Variants in ZNF146 observed in about 807,000 individuals in gnomAD.
The protein encoded by ZNF146 is zinc finger protein 146.
Under a neutral mutation model 22.2 loss-of-function variants are expected in ZNF146, and 9 were observed. The observed-to-expected ratio is 0.41, with a 90% CI of 0.24 to 0.71. ZNF146 has a LOEUF of 0.71. Among genes scored for constraint, ZNF146 ranks in the 30% least tolerant of loss-of-function variants. The pLI is 0.34. For synonymous variants in ZNF146, 108 were observed against 119.2 expected (o/e 0.91, Z 0.61); for missense variants, 194 against 344.8 (o/e 0.56, Z 3.46).
chr19:36,222,333 G>C (rs1976883710), intron 2 of ZNF146, among the ~76,000 whole-genome samples: 1 of 152,138 alleles, frequency 6.6e-6, no homozygotes, highest in South Asian at 2.1e-4. Context: ...TAATCCCGTT[G>C]TTGAGCATTT....
At position 36,231,582 on chromosome 19, in the gene ZNF146, A is replaced by G. The variant is rs1213848580; in HGVS notation, c.-783+2763A>G. On this transcript the variant is annotated intron_variant, in intron 3 of 3. Transcript: ENST00000443387. ...CTCCAGAGTTTCTGTCTTGCCTTAC[A>G]CAACTTTACCTGTTTATGGGACAGA... is the stretch of plus-strand genomic sequence containing the variant. Among the ~76,000 whole-genome samples the G allele has an allele frequency of 3.3e-5, 5 of 152,176 alleles. No homozygotes were observed. In the East Asian group the frequency reaches 7.7e-4, roughly 23 times the overall value.
chr19:36,233,764 T>C (rs4361039), intron 3 of ZNF146, among the ~76,000 whole-genome samples: 39,426 of 152,148 alleles, frequency 0.26, 5,517 homozygotes, highest in African/African-American at 0.37. Context: ...AAGGCGGTTT[T>C]CCCCTATCTC....
At chr19:36,223,785 C>T (rs1183888676) in intron 2 of ZNF146, among the ~76,000 whole-genome samples, 2 of 151,844 alleles carry the variant, frequency 1.3e-5, no homozygotes, top group African/African-American at 2.4e-5. Flanking sequence ...CTTGATCTGT[C>T]ACCCAGGCTG....
intron 3 of ZNF146, among the ~76,000 whole-genome samples, chr19:36,229,911 G>A (rs567476179): frequency 6.6e-6 from 1 of 152,208 alleles, no homozygotes; most frequent in African/African-American, 2.4e-5. Flanking sequence ...ATAGAGATGG[G>A]GTTTTGCCAT....
Position 36,237,085 on chromosome 19 carries a change from T to C in ZNF146, c.645T>C (p.Asn215=), listed in dbSNP as rs755275819. 3.1e-6 allele frequency: 5 copies of C among 1,614,024 alleles called. No individual in the cohort carries two copies. Among genetic ancestry groups the C allele is most frequent in the African/African-American group, 1.3e-5 (1 of 74,916 alleles). ...CAGGTGATAAACCTTACGAATGCAA[T>C]GTTTGTGGAAAAGCCTTCTCTCAGA... is the stretch of plus-strand genomic sequence containing the variant. ...IHSGDKPYEC[N]VCGKAFSQSS... The change falls in exon 4 of 4, where the codon AAT becomes AAC. Residue 215 remains asparagine, a synonymous_variant. Coordinates refer to ENST00000443387, the MANE Select transcript of ZNF146 (RefSeq NM_007145.3).
At chr19:36,223,681 G>T (rs1173162385) in intron 2 of ZNF146, among the ~76,000 whole-genome samples, 1 of 9,312 alleles carries the variant, frequency 1.1e-4, no homozygotes, top group Non-Finnish European at 2.0e-4. Flanking sequence ...AGTCTTTTAT[G>T]GTTATCAGAC....
At chr19:36,222,259 A>T (rs1208023350) in intron 2 of ZNF146, among the ~76,000 whole-genome samples, 1 of 151,622 alleles carries the variant, frequency 6.6e-6, no homozygotes, top group African/African-American at 2.4e-5. Flanking sequence ...TTTAAAAGAA[A>T]TTTTTTTTTC....
intron 3 of ZNF146, among the ~76,000 whole-genome samples, chr19:36,231,265 G>A (rs569685482): frequency 1.1e-4 from 16 of 151,910 alleles, no homozygotes; most frequent in East Asian, 1.9e-4. Flanking sequence ...GTTGGAGTGC[G>A]GTGGTGCCAT....
At chr19:36,217,723 A>G (rs1287673476) in intron 1 of ZNF146, among the ~76,000 whole-genome samples, 1 of 152,004 alleles carries the variant, frequency 6.6e-6, no homozygotes, top group Non-Finnish European at 1.5e-5. Context: ...CGTCTCTACT[A>G]AAAATACAAA....
intron 2 of ZNF146, among the ~76,000 whole-genome samples, chr19:36,227,814 C>T (rs1034689125): frequency 2.0e-5 from 3 of 152,156 alleles, no homozygotes; most frequent in African/African-American, 4.8e-5. Context: ...TCCGGCCTCC[C>T]GAAGTGTTGG....
chr19:36,225,220 A>G (rs1977015590), intron 2 of ZNF146, among the ~76,000 whole-genome samples: 2 of 152,290 alleles, frequency 1.3e-5, no homozygotes, highest in East Asian at 1.9e-4. Context: ...GGACACTGCT[A>G]ATAGCCAAGG....
intron 2 of ZNF146, among the ~76,000 whole-genome samples, chr19:36,227,769 T>C (rs1441520542): frequency 1.3e-5 from 2 of 152,148 alleles, no homozygotes; most frequent in Admixed American, 6.5e-5. Context: ...CCCAGCCTGG[T>C]CTTGAACTCC....
chr19:36,223,087 A>T (rs1008289879), intron 2 of ZNF146, among the ~76,000 whole-genome samples: 1 of 151,474 alleles, frequency 6.6e-6, no homozygotes, highest in South Asian at 2.1e-4. Flanking sequence ...GACTACAGGC[A>T]GTGCACCACC....
In ZNF146 at chr19:36,236,082, T is replaced by C; in HGVS notation, c.-359T>C. ...ACTGTTACTCATATGTTGCATTTCG[T>C]CGAACGTGCAAGTCATGCTGAAGAG... On this transcript the variant is annotated 5_prime_UTR_variant, in exon 4 of 4. Coordinates refer to ENST00000443387, the MANE Select transcript of ZNF146 (RefSeq NM_007145.3). 5.0e-6 allele frequency: 1 copy of C among 199,394 alleles called. No homozygotes were observed. The allele number at this position is 199,394 out of a possible 1,614,324, so 12.4% of individuals were successfully genotyped here. A position where few individuals can be genotyped will look rare whatever the true frequency, so the allele number is the denominator to read the frequency against.
At chr19:36,226,944 A>G (rs1977092573) in intron 2 of ZNF146, among the ~76,000 whole-genome samples, 1 of 152,074 alleles carries the variant, frequency 6.6e-6, no homozygotes, top group Non-Finnish European at 1.5e-5. Context: ...TTAGTGGGGC[A>G]TGGTGGCGCA....
At chr19:36,225,984 G>C (rs868669453) in intron 2 of ZNF146, among the ~76,000 whole-genome samples, 1 of 151,838 alleles carries the variant, frequency 6.6e-6, no homozygotes, top group African/African-American at 2.4e-5. Context: ...GCCTAGGCTG[G>C]TCTTGAACTT....
At chr19:36,223,572 C>T (rs1370414881) in intron 2 of ZNF146, among the ~76,000 whole-genome samples, 2 of 151,904 alleles carry the variant, frequency 1.3e-5, no homozygotes, top group South Asian at 2.1e-4. Flanking sequence ...ACCATGTTAG[C>T]CAGGATGGTC....
At chr19:36,222,533 T>C (rs995524839) in intron 2 of ZNF146, among the ~76,000 whole-genome samples, 1 of 152,190 alleles carries the variant, frequency 6.6e-6, no homozygotes. Flanking sequence ...AAACTCACCA[T>C]GAGTGTAGTG....
chr19:36,216,272 CATAACAAA>C (rs1210417033), intron 1 of ZNF146, among the ~76,000 whole-genome samples: 1 of 152,074 alleles, frequency 6.6e-6, no homozygotes, highest in Non-Finnish European at 1.5e-5. Flanking sequence ...TACTAAGGGG[CATAACAAA>C]TGTGAACAAA....
Sources: allele counts gnomAD v4.1 joint callset (sites outside exome capture counted in the v4.1 genomes callset), GRCh38; gene constraint gnomAD v4.1.1; transcripts MANE v1.5; gene names NCBI Gene and HGNC (gene_info 2026-07-23, HGNC 2026-07-21).